DHX8: variants seen among roughly 807,000 people sequenced by gnomAD.
DHX8 encodes the protein DEAH-box helicase 8, also known as ATP-dependent RNA helicase DHX8.
In DHX8, 67 loss-of-function variants were observed where a neutral mutation model predicts 140.7. The observed-to-expected ratio is 0.48, with a 90% CI of 0.39 to 0.58. The LOEUF (loss-of-function observed/expected upper bound fraction) is 0.58, where lower values mean the gene tolerates loss of function less well. Among genes scored for constraint, DHX8 ranks in the 20% least tolerant of loss-of-function variants. The probability of loss-of-function intolerance (pLI) is 0.00; values close to 1 mark genes in which losing one functional copy is unlikely to be tolerated. For missense variants in DHX8, 887 were observed against 1,550.7 expected, an observed-to-expected ratio of 0.57 and a Z score of 7.19; for synonymous variants, 533 against 553.2, an observed-to-expected ratio of 0.96 and a Z score of 0.51.
At position 43,508,293 on chromosome 17, in the gene DHX8, CACAT is replaced by C. The variant is rs144098452; in HGVS notation, c.2321-42_2321-39del. On this transcript the variant is annotated intron_variant, in intron 15 of 22. Coordinates refer to ENST00000262415, the MANE Select transcript of DHX8 (RefSeq NM_004941.3). The stretch of plus-strand genomic sequence containing the variant: ...ATCACCATAGCCCTTGTATAGGACA[CACAT>C]ACACACACAGAAAGTAGATGAATGT... 4.7e-4 allele frequency: 737 copies of C among 1,580,600 alleles called. 3 individuals carry two copies. In the African/African-American group the frequency reaches 9.1e-3, roughly 20 times the overall value.
intron 2 of DHX8, chr17:43,534,043 G>T: frequency 1.4e-6 from 2 of 1,437,998 alleles, no homozygotes; most frequent in Non-Finnish European, 1.8e-6. Flanking sequence ...AGGCAGGCAG[G>T]GCTTCTGATA....
At chr17:43,488,526 G>T (rs997172137) in intron 1 of DHX8, among the ~76,000 whole-genome samples, 2 of 151,686 alleles carry the variant, frequency 1.3e-5, no homozygotes, top group Non-Finnish European at 2.9e-5. Flanking sequence ...CAGGAGAATG[G>T]CGTGAACCCG....
At chr17:43,526,463 G>A, downstream of DHX8, 1 of 1,535,226 alleles carries the variant, frequency 6.5e-7, no homozygotes, top group Middle Eastern at 1.8e-4. Flanking sequence ...ATCCCGCCTG[G>A]ACGTGATTTG....
In DHX8 at chr17:43,508,311, G is replaced by A. The variant is rs1969605010; in HGVS notation, c.2321-28G>A. 3.8e-6 allele frequency: 6 copies of A among 1,595,128 alleles called. No individual in the cohort carries two copies. In the East Asian group the frequency reaches 1.3e-4, roughly 36 times the overall value. On this transcript the variant is annotated intron_variant, in intron 15 of 22. Coordinates refer to ENST00000262415, the MANE Select transcript of DHX8 (RefSeq NM_004941.3). ...TAGGACACACATACACACACAGAAA[G>A]TAGATGAATGTTCTATTCTGCTCGT...
downstream of DHX8, among the ~76,000 whole-genome samples, chr17:43,531,660 A>G (rs1014942660): frequency 6.6e-6 from 1 of 152,092 alleles, no homozygotes; most frequent in Admixed American, 6.6e-5. Context: ...AGAGAGCAAG[A>G]CTCCATCTCA....
chr17:43,518,765 C>T (rs1970237142), intron 18 of DHX8: 1 of 152,162 alleles, frequency 6.6e-6, no homozygotes. Context: ...TTTCCCCCTT[C>T]CTCTATCCCT....
In DHX8 at chr17:43,486,894, G is replaced by A. The variant is rs1469747963; in HGVS notation, c.149-2555G>A. 3.6e-5 allele frequency among the ~76,000 whole-genome samples: 5 copies of A among 137,578 alleles called. No individual in the cohort carries two copies. The East Asian group carries it at 1.1e-3, about 30-fold the overall frequency. The allele number at this position is 137,578 out of a possible 152,430, so 90.3% of individuals were successfully genotyped here. The stretch of plus-strand genomic sequence containing the variant: ...CCGTCTCAAAAAAAAAAAAAAAAAA[G>A]ATTACTGATGGCTGGCAGTGAGAAT... On this transcript the variant is annotated intron_variant, in intron 1 of 22. Coordinates refer to ENST00000262415, the MANE Select transcript of DHX8 (RefSeq NM_004941.3).
chr17:43,515,986 A>T (rs1970095814), intron 17 of DHX8, among the ~76,000 whole-genome samples: 1 of 150,882 alleles, frequency 6.6e-6, no homozygotes, highest in Non-Finnish European at 1.5e-5. Context: ...TTTTTTAATT[A>T]AAAAAAAATC....
Position 43,507,976 on chromosome 17 carries a change from C to A in DHX8, c.2277C>A (p.Ala759=). The A allele has an allele frequency of 6.2e-7, 1 of 1,614,136 alleles. No homozygotes were observed. Among genetic ancestry groups the A allele is most frequent in the Non-Finnish European group, 8.5e-7 (1 of 1,180,024 alleles). The part of the protein sequence containing the change: ...TKEPETDYLD[A]SLITVMQIHL... The stretch of plus-strand genomic sequence containing the variant: ...AACCTGAGACAGATTATCTGGATGC[C>A]AGCCTGATTACTGTTATGCAGATTC... The change falls in exon 15 of 23, where the codon GCC becomes GCA. Residue 759 remains alanine, a synonymous_variant. Coordinates refer to ENST00000262415, the MANE Select transcript of DHX8 (RefSeq NM_004941.3).
chr17:43,525,008 G>A lies in DHX8; in HGVS notation c.*1161G>A. On this transcript the variant is annotated 3_prime_UTR_variant, in exon 23 of 23. Transcript: ENST00000262415. Reference sequence around the variant, plus strand: ...GGGTTCCCACTGTGCTGCCCAGGCTGCTCTCCAATCCCTGGCGTCAAGCAA... The same window carrying A: ...GGGTTCCCACTGTGCTGCCCAGGCTACTCTCCAATCCCTGGCGTCAAGCAA... 2.0e-6 allele frequency: 2 copies of A among 984,476 alleles called. No individual in the cohort carries two copies. Among genetic ancestry groups the A allele is most frequent in the Non-Finnish European group, 2.4e-6 (2 of 829,586 alleles). The allele number at this position is 984,476 out of a possible 1,614,324, so 61.0% of individuals were successfully genotyped here.
At chr17:43,520,024 A>T in intron 18 of DHX8, 106 bp from the exon 19 acceptor site, 1 of 1,303,034 alleles carries the variant, frequency 7.7e-7, no homozygotes. Context: ...GTGGCTTCCT[A>T]ATTGCAATTG....
intron 1 of DHX8, among the ~76,000 whole-genome samples, chr17:43,486,191 C>CAAAAAAAAA (rs199805080): frequency 1.1e-5 from 1 of 91,938 alleles, no homozygotes. Flanking sequence ...GACTTTATTT[C>CAAAAAAAAA]AAAAAAAAAA....
intron 4 of DHX8, among the ~76,000 whole-genome samples, 159 bp downstream of exon 4, chr17:43,491,409 A>C (rs1333516987): frequency 6.6e-6 from 1 of 152,078 alleles, no homozygotes; most frequent in Non-Finnish European, 1.5e-5. Flanking sequence ...CTATGTATTG[A>C]ATTTGTTAAG....
At chr17:43,540,878 G>A (rs1434528469) in intron 3 of DHX8, among the ~76,000 whole-genome samples, 4 of 152,122 alleles carry the variant, frequency 2.6e-5, no homozygotes, top group African/African-American at 7.2e-5. Flanking sequence ...AAAGGGTGGT[G>A]CAGAACTCAG....
chr17:43,524,903 C>T lies in DHX8; in HGVS notation c.*1056C>T. The T allele has an allele frequency of 4.1e-6, 4 of 985,194 alleles. No homozygotes were observed. The highest frequency in any genetic ancestry group is 4.8e-6 in the Non-Finnish European group (4 of 829,922). The allele number at this position is 985,194 out of a possible 1,614,324, so 61.0% of individuals were successfully genotyped here. ...TGTTCTTAGTGGTTTTTTCCTAGCA[C>T]TTGCTTGGAGAATAGCCACCTCCTT... On this transcript the variant is annotated 3_prime_UTR_variant, in exon 23 of 23. Coordinates refer to ENST00000262415, the MANE Select transcript of DHX8 (RefSeq NM_004941.3).
intron 3 of DHX8, among the ~76,000 whole-genome samples, chr17:43,536,681 A>G (rs1431181945): frequency 6.6e-6 from 1 of 152,286 alleles, no homozygotes; most frequent in Non-Finnish European, 1.5e-5. Context: ...TGATGAACTT[A>G]AAATCACAAA....
At chr17:43,496,524 T>G (rs1968869426) in intron 9 of DHX8, among the ~76,000 whole-genome samples, 1 of 152,170 alleles carries the variant, frequency 6.6e-6, no homozygotes, top group South Asian at 2.1e-4. Context: ...ACGCCTGTAA[T>G]CCCAGCACTT....
rs139263819 is a variant in DHX8, at chr17:43,507,065, G to A, written c.1791G>A (p.Gln597=). 3.5e-5 allele frequency: 56 copies of A among 1,614,034 alleles called. No homozygotes were observed. The African/African-American group carries it at 6.7e-4, about 19-fold the overall frequency. Residue 597 remains glutamine (Q), a synonymous_variant, in exon 13 of 23, where the codon CAG becomes CAA. Coordinates refer to ENST00000262415, the MANE Select transcript of DHX8 (RefSeq NM_004941.3). ...AGACAGGATCTGGAAAGACAACACA[G>A]ATCACCCAGTACCTGGCGGAGGCAG... is the stretch of plus-strand genomic sequence containing the variant. ...IGETGSGKTT[Q]ITQYLAEAGY... is the part of the protein sequence containing the mutation.
chr17:43,489,640 G>C, intron 2 of DHX8, 106 bp downstream of exon 2: 1 of 766,138 alleles, frequency 1.3e-6, no homozygotes, highest in Non-Finnish European at 2.1e-6. Context: ...GCCTGGGCTG[G>C]AGTGCAGTGG....
Sources: allele counts gnomAD v4.1 joint callset (sites outside exome capture counted in the v4.1 genomes callset), GRCh38; gene constraint gnomAD v4.1.1; transcripts MANE v1.5; gene names NCBI Gene and HGNC (gene_info 2026-07-23, HGNC 2026-07-21).